The following TADA3 variants were observed in gnomAD, a reference collection of about 807,000 sequenced individuals.
TADA3 encodes the protein transcriptional adaptor 3.
TADA3 carries 25 observed loss-of-function variants against 43.2 expected under a neutral mutation model. The observed-to-expected ratio is 0.58, with a 90% CI of 0.42 to 0.81. TADA3 has a LOEUF of 0.81. Among genes scored for constraint, TADA3 ranks in the 30% least tolerant of loss-of-function variants. TADA3 has a pLI of 0.00. For missense variants in TADA3, 441 were observed against 567.8 expected (o/e 0.78, Z 2.27); for synonymous variants, 235 against 225.5 (o/e 1.04, Z -0.38).
intron 6 of TADA3, among the ~76,000 whole-genome samples, chr3:9,786,231 G>A (rs1166283974): frequency 8.5e-5 from 13 of 152,138 alleles, no homozygotes; most frequent in Non-Finnish European, 1.5e-4. Flanking sequence ...GAGCCACCGC[G>A]CCCGGCCTCC....
intron 1 of TADA3, among the ~76,000 whole-genome samples, chr3:9,791,742 G>A (rs886340416): frequency 1.3e-5 from 2 of 152,204 alleles, no homozygotes; most frequent in African/African-American, 4.8e-5. Context: ...TTTTTACAGA[G>A]AAAGAAACTG....
At chr3:9,792,768 T>G (rs2125631624), upstream of TADA3, 2 of 1,246,812 alleles carry the variant, frequency 1.6e-6, no homozygotes, top group Non-Finnish European at 2.0e-6. Flanking sequence ...CTCGTCCGCT[T>G]CGGCTTGTCC....
At chr3:9,792,750 A>G, upstream of TADA3, 1 of 1,243,540 alleles carries the variant, frequency 8.0e-7, no homozygotes, top group East Asian at 3.2e-5. Flanking sequence ...ACCGGAAGAA[A>G]CGAAGGGCTC....
At chr3:9,788,079 T>G (rs2078656973) in intron 4 of TADA3, 2 of 236,074 alleles carry the variant, frequency 8.5e-6, no homozygotes, top group African/African-American at 4.5e-5. Context: ...GACTTGATCC[T>G]GTAGATAACG....
Position 9,789,712 on chromosome 3 carries a change from C to T in TADA3, c.458+1G>A, listed in dbSNP as rs1180492093. The T allele has an allele frequency of 6.2e-7, 1 of 1,611,958 alleles. No individual in the cohort carries two copies. Among genetic ancestry groups the T allele is most frequent in the South Asian group, 1.1e-5 (1 of 91,002 alleles). The stretch of plus-strand genomic sequence containing the variant: ...CCCTTCTATGTTCTCTAGCCCAGAA[C>T]CTGTTGGGGGCATCATTTTTGGGGA... On this transcript the variant is annotated splice_donor_variant, in intron 3 of 8. Transcript: ENST00000301964. LOFTEE classifies it high-confidence loss of function.
rs755131993 is a variant in TADA3, at chr3:9,789,813, G to A, written c.358C>T (p.Arg120Trp). Residue 120 changes from arginine (R) to tryptophan (W), a missense_variant, in exon 3 of 9, where the codon CGG (arginine) becomes TGG (tryptophan). Coordinates refer to ENST00000301964, the MANE Select transcript of TADA3 (RefSeq NM_006354.5). Reference sequence around the variant, plus strand: ...GGCTGAAGGTTTTTGGATTTGGGCCGTCCTGGGCCAGGGCCCGGCCCATGT... The same window carrying A: ...GGCTGAAGGTTTTTGGATTTGGGCCATCCTGGGCCAGGGCCCGGCCCATGT... Reference protein sequence around the residue: ...AGHGPGPGPGRPKSKNLQPKI... With the variant: ...AGHGPGPGPGWPKSKNLQPKI... 8 of 1,614,222 alleles carry A rather than the reference G, an allele frequency of 5.0e-6. No homozygotes were observed. The highest frequency in any genetic ancestry group is 3.3e-5 in the Admixed American group (2 of 60,022).
chr3:9,790,504 C>CA (rs1371316967), intron 2 of TADA3, among the ~76,000 whole-genome samples: 3 of 152,240 alleles, frequency 2.0e-5, no homozygotes, highest in African/African-American at 7.2e-5. Flanking sequence ...GAATGACCAT[C>CA]ACACCTTGTC....
At chr3:9,786,058 C>T (rs1454372320) in intron 6 of TADA3, among the ~76,000 whole-genome samples, 1 of 152,138 alleles carries the variant, frequency 6.6e-6, no homozygotes, top group East Asian at 1.9e-4. Context: ...CCTGCCTCAG[C>T]CTCCCAAGTA....
In TADA3 at chr3:9,787,228, A is replaced by T; in HGVS notation, c.677T>A (p.Met226Lys). 6.2e-7 allele frequency: 1 copy of T among 1,614,198 alleles called. No homozygotes were observed. The highest frequency in any genetic ancestry group is 8.5e-7 in the Non-Finnish European group (1 of 1,180,028). ...AAVADKKKGL[M>K]GPLTELDTKD... ...AGTGTCCAGTTCGGTCAGTGGCCCC[A>T]TGAGGCCTTTCTTCTTGTCAGCCAC... Residue 226 changes from methionine (M) to lysine (K), a missense_variant, in exon 5 of 9, where the codon ATG (methionine) becomes AAG (lysine). Transcript: ENST00000301964.
At chr3:9,781,614 C>G (rs2078467443) in intron 8 of TADA3, 1 of 455,584 alleles carries the variant, frequency 2.2e-6, no homozygotes, top group Non-Finnish European at 4.4e-6. Context: ...GGTGAGACAC[C>G]AGATCAATCT....
chr3:9,784,689 AC>A (rs2078563367), intron 7 of TADA3, among the ~76,000 whole-genome samples: 1 of 151,900 alleles, frequency 6.6e-6, no homozygotes, highest in Non-Finnish European at 1.5e-5. Flanking sequence ...AGATGGTGAA[AC>A]CCCGTCTCTA....
chr3:9,783,064 A>T (rs1198465810), intron 8 of TADA3: 1 of 152,230 alleles, frequency 6.6e-6, no homozygotes, highest in Non-Finnish European at 1.5e-5. Context: ...AACACTGGTC[A>T]ATTTCTTGTG....
At chr3:9,789,047 G>C (rs562029350) in intron 4 of TADA3, among the ~76,000 whole-genome samples, 1 of 152,048 alleles carries the variant, frequency 6.6e-6, no homozygotes, top group African/African-American at 2.4e-5. Flanking sequence ...TGTTGCCCAG[G>C]CTGGTCTCAA....
chr3:9,787,665 G>T, intron 4 of TADA3: 1 of 1,375,380 alleles, frequency 7.3e-7, no homozygotes, highest in South Asian at 1.2e-5. Flanking sequence ...CAGGTCACGG[G>T]TGACAGGGAA....
chr3:9,791,217 T>A (rs766261507), intron 2 of TADA3, 43 bp downstream of exon 2: 1 of 1,574,988 alleles, frequency 6.3e-7, no homozygotes, highest in Non-Finnish European at 8.6e-7. Flanking sequence ...CCATAACTTG[T>A]TGCAGTCCAT....
At chr3:9,786,975 T>C (rs751555341) in intron 6 of TADA3, 31 bp downstream of exon 6, 2 of 1,571,712 alleles carry the variant, frequency 1.3e-6, no homozygotes, top group East Asian at 4.5e-5. Flanking sequence ...ACAAAGTAAA[T>C]ATGGTTCCTC....
intron 6 of TADA3, among the ~76,000 whole-genome samples, chr3:9,786,740 G>C (rs1387193634): frequency 1.3e-5 from 2 of 152,200 alleles, no homozygotes; most frequent in Non-Finnish European, 2.9e-5. Context: ...CTAGGATATA[G>C]TAATGTTTCA....
intron 6 of TADA3, among the ~76,000 whole-genome samples, chr3:9,785,656 C>T (rs992030189): frequency 6.6e-5 from 10 of 152,232 alleles, no homozygotes; most frequent in African/African-American, 2.4e-4. Context: ...AAATGATTAA[C>T]ACTCAATGAT....
chr3:9,792,672 T>A, upstream of TADA3: 1 of 1,232,756 alleles, frequency 8.1e-7, no homozygotes, highest in Non-Finnish European at 1.0e-6. Context: ...ATCTCCGCGC[T>A]GCAGTTAGCC....
Sources: allele counts gnomAD v4.1 joint callset (sites outside exome capture counted in the v4.1 genomes callset), GRCh38; gene constraint gnomAD v4.1.1; transcripts MANE v1.5; gene names NCBI Gene and HGNC (gene_info 2026-07-23, HGNC 2026-07-21).